The following ANKIB1 variants were observed in gnomAD, a reference collection of about 807,000 sequenced individuals.
ANKIB1 encodes ankyrin repeat and IBR domain containing 1, also known as ankyrin repeat and IBR domain-containing protein 1.
ANKIB1 carries 43 observed loss-of-function variants against 122.1 expected under a neutral mutation model. That is an observed-to-expected ratio of 0.35 (90% confidence interval 0.28 to 0.45). ANKIB1 has a LOEUF of 0.45. Among genes scored for constraint, ANKIB1 ranks in the 20% least tolerant of loss-of-function variants. ANKIB1 has a pLI of 1.00. For missense variants in ANKIB1, 992 were observed against 1,329.5 expected (o/e 0.75, Z 3.95); for synonymous variants, 390 against 442.0 (o/e 0.88, Z 1.48).
intron 18 of ANKIB1, 134 bp downstream of exon 18, chr7:92,396,610 C>T: frequency 1.7e-6 from 1 of 601,982 alleles, no homozygotes. Flanking sequence ...TCTGTTGTGA[C>T]AGGACACAGA....
At chr7:92,386,399 TG>T in intron 11 of ANKIB1, 109 bp from the exon 12 acceptor site, 1 of 1,202,218 alleles carries the variant, frequency 8.3e-7, no homozygotes, top group South Asian at 1.9e-5. Flanking sequence ...GATTTATTAC[TG>T]GTCACACAAG....
intron 4 of ANKIB1, among the ~76,000 whole-genome samples, chr7:92,325,092 T>G (rs770657984): frequency 6.6e-6 from 1 of 152,132 alleles, no homozygotes; most frequent in Non-Finnish European, 1.5e-5. Flanking sequence ...AACAGAAACA[T>G]TAGCGAGTAT....
chr7:92,376,114 G>A (rs1385341176), intron 11 of ANKIB1, among the ~76,000 whole-genome samples: 1 of 152,172 alleles, frequency 6.6e-6, no homozygotes, highest in Non-Finnish European at 1.5e-5. Context: ...TCCATGTATA[G>A]AGCACAGGCA....
At chr7:92,376,159 A>AT (rs913156869) in intron 11 of ANKIB1, among the ~76,000 whole-genome samples, 2 of 152,152 alleles carry the variant, frequency 1.3e-5, no homozygotes, top group Non-Finnish European at 2.9e-5. Context: ...ACACCCTATG[A>AT]TTTTCAGAAT....
intron 3 of ANKIB1, among the ~76,000 whole-genome samples, chr7:92,315,795 T>C (rs1802782334): frequency 6.6e-6 from 1 of 152,184 alleles, no homozygotes; most frequent in Non-Finnish European, 1.5e-5. Flanking sequence ...CTGGGCATAA[T>C]TGAGTCATTT....
intron 7 of ANKIB1, among the ~76,000 whole-genome samples, chr7:92,346,265 G>A (rs1385010182): frequency 6.6e-6 from 1 of 151,908 alleles, no homozygotes; most frequent in African/African-American, 2.4e-5. Context: ...CAGTAAGCTG[G>A]GACTATAGGC....
chr7:92,281,230 A>G (rs1304473822), intron 1 of ANKIB1, among the ~76,000 whole-genome samples: 1 of 152,234 alleles, frequency 6.6e-6, no homozygotes, highest in Non-Finnish European at 1.5e-5. Flanking sequence ...TCGGTGTCCA[A>G]GGTTTTGATT....
intron 1 of ANKIB1, among the ~76,000 whole-genome samples, chr7:92,283,890 C>T (rs976765276): frequency 7.9e-5 from 12 of 152,182 alleles, no homozygotes; most frequent in African/African-American, 2.9e-4. Flanking sequence ...CCTGCCTCTG[C>T]TTCCTGAGTA....
intron 3 of ANKIB1, among the ~76,000 whole-genome samples, chr7:92,311,208 G>A (rs557853554): frequency 2.0e-5 from 3 of 152,210 alleles, no homozygotes; most frequent in South Asian, 2.1e-4. Context: ...TGAAAGTGTC[G>A]TCAGATATTT....
intron 4 of ANKIB1, among the ~76,000 whole-genome samples, chr7:92,320,560 G>A (rs778170392): frequency 1.2e-4 from 19 of 152,132 alleles, no homozygotes; most frequent in Non-Finnish European, 2.4e-4. Flanking sequence ...ATAAATGGGG[G>A]AAGCATTCTT....
In ANKIB1 at chr7:92,398,286, G is replaced by A; in HGVS notation, c.2607G>A (p.Leu869=). 1 of 1,613,792 alleles carries A rather than the reference G, an allele frequency of 6.2e-7. No homozygotes were observed. ...AIQLSLQESG[L]ALDEETRDFL... is the part of the protein sequence containing the mutation. Reference sequence around the variant, plus strand: ...AGTTATCACTGCAAGAGTCTGGGCTGGCCCTCGATGAAGAAACTAGAGACT... The same window carrying A: ...AGTTATCACTGCAAGAGTCTGGGCTAGCCCTCGATGAAGAAACTAGAGACT... Residue 869 remains leucine (L), a synonymous_variant, in exon 20 of 20, where the codon CTG becomes CTA. Transcript: ENST00000265742.
chr7:92,274,493 A>T (rs540419624), intron 1 of ANKIB1, among the ~76,000 whole-genome samples: 4 of 152,154 alleles, frequency 2.6e-5, no homozygotes, highest in African/African-American at 9.7e-5. Flanking sequence ...TGCATTTTAG[A>T]TGCATAAGGA....
chr7:92,365,474 T>C (rs1321526376), intron 10 of ANKIB1, among the ~76,000 whole-genome samples: 1 of 152,140 alleles, frequency 6.6e-6, no homozygotes, highest in South Asian at 2.1e-4. Flanking sequence ...TAGTGATGCA[T>C]TGAGAGATGA....
chr7:92,297,728 G>A lies in ANKIB1; in HGVS notation c.188+2562G>A, dbSNP rs76959827. ...TCCAGATTAATTTTACTAAAGCATAGCCTTTCAGTGTTCTTTCTGTCTTGA... is the reference window on the plus strand; with the variant it reads ...TCCAGATTAATTTTACTAAAGCATAACCTTTCAGTGTTCTTTCTGTCTTGA... On this transcript the variant is annotated intron_variant, in intron 2 of 19. Transcript: ENST00000265742. 7.2e-3 allele frequency among the ~76,000 whole-genome samples: 1,090 copies of A among 151,908 alleles called. 11 individuals are homozygous for A. Among genetic ancestry groups the A allele is most frequent in the African/African-American group, 0.025 (1,038 of 41,428 alleles).
At chr7:92,343,673 A>G (rs1206049814) in intron 6 of ANKIB1, among the ~76,000 whole-genome samples, 2 of 152,224 alleles carry the variant, frequency 1.3e-5, no homozygotes, top group African/African-American at 2.4e-5. Flanking sequence ...CTCAAAATAC[A>G]TACACACATA....
At chr7:92,251,317 TA>T (rs1801325076) in intron 1 of ANKIB1, among the ~76,000 whole-genome samples, 1 of 152,196 alleles carries the variant, frequency 6.6e-6, no homozygotes. Context: ...GTTCTCCAAA[TA>T]GACATGAAAA....
intron 16 of ANKIB1, 135 bp downstream of exon 16, chr7:92,391,479 T>C: frequency 2.6e-6 from 2 of 780,758 alleles, no homozygotes; most frequent in Non-Finnish European, 3.6e-6. Flanking sequence ...TAAAAGTATG[T>C]TGACTTTTTT....
intron 16 of ANKIB1, among the ~76,000 whole-genome samples, 198 bp from the exon 17 acceptor site, chr7:92,392,043 C>G (rs994413858): frequency 3.3e-5 from 5 of 151,878 alleles, no homozygotes; most frequent in African/African-American, 1.2e-4. Context: ...ATTTTTTGAT[C>G]ATTTTACACA....
intron 5 of ANKIB1, among the ~76,000 whole-genome samples, chr7:92,330,410 T>C (rs909590631): frequency 6.6e-5 from 10 of 152,180 alleles, no homozygotes; most frequent in African/African-American, 2.4e-4. Flanking sequence ...TTTTTTTATA[T>C]TTTTTGAAAA....
Sources: gnomAD v4.1 joint callset for allele counts (sites outside exome capture counted in the v4.1 genomes callset) on GRCh38, gnomAD v4.1.1 for gene constraint, MANE v1.5 for transcripts, NCBI Gene and HGNC (gene_info 2026-07-23, HGNC 2026-07-21) for gene names.